SESTD1: variants seen among roughly 807,000 people sequenced by gnomAD.
SESTD1 encodes the protein SEC14 and spectrin domain containing 1, also known as SEC14 domain and spectrin repeat-containing protein 1.
SESTD1 carries 43 observed loss-of-function variants against 101.7 expected under a neutral mutation model. The ratio of observed to expected loss-of-function variants is 0.42; its 90% CI spans 0.33 to 0.55. SESTD1 has a LOEUF of 0.55. Ranked by LOEUF, SESTD1 falls within the 20% of genes least tolerant of loss-of-function variation. The pLI, the probability that SESTD1 is intolerant of heterozygous loss-of-function variation, is 0.07. For missense variants in SESTD1, 647 were observed against 815.1 expected, an observed-to-expected ratio of 0.79 and a Z score of 2.51; for synonymous variants, 283 against 286.8, an observed-to-expected ratio of 0.99 and a Z score of 0.13.
At chr2:179,117,422 TTC>T in intron 14 of SESTD1, 108 bp downstream of exon 14, 1 of 920,966 alleles carries the variant, frequency 1.1e-6, no homozygotes, top group South Asian at 1.7e-5. Context: ...AGAACCTGAC[TTC>T]AAGAATTTAC....
chr2:179,192,869 C>T (rs2046338103), intron 1 of SESTD1, among the ~76,000 whole-genome samples: 2 of 152,144 alleles, frequency 1.3e-5, no homozygotes, highest in Admixed American at 1.3e-4. Flanking sequence ...TCCCCTATCC[C>T]ATCTCACACC....
chr2:179,172,986 A>G lies in SESTD1; in HGVS notation c.256-753T>C, dbSNP rs1160143923. ...TTCTCTTGCACTCTGAATGAAATTCAAATCTCTTACCAAGACCTACAAGGC... is the reference window on the plus strand; with the variant it reads ...TTCTCTTGCACTCTGAATGAAATTCGAATCTCTTACCAAGACCTACAAGGC... On this transcript the variant is annotated intron_variant, in intron 4 of 17. Transcript: ENST00000428443. Among the ~76,000 whole-genome samples the G allele has an allele frequency of 2.0e-5, 3 of 152,302 alleles. No individual in the cohort carries two copies. In the South Asian group the frequency reaches 6.2e-4, roughly 32 times the overall value.
chr2:179,249,452 T>C (rs1246513878), intron 1 of SESTD1, among the ~76,000 whole-genome samples: 1 of 152,158 alleles, frequency 6.6e-6, no homozygotes, highest in Non-Finnish European at 1.5e-5. Flanking sequence ...GTTATAAATC[T>C]AACAAAACAT....
chr2:179,135,384 T>C (rs1385137654), intron 9 of SESTD1, among the ~76,000 whole-genome samples: 7 of 152,230 alleles, frequency 4.6e-5, no homozygotes, highest in Admixed American at 6.5e-5. Flanking sequence ...TATCTCTTCA[T>C]GTTCTTTGTT....
intron 1 of SESTD1, among the ~76,000 whole-genome samples, chr2:179,200,824 A>G (rs2046497982): frequency 7.4e-6 from 1 of 134,894 alleles, no homozygotes; most frequent in African/African-American, 2.9e-5. Context: ...AAACCCTAGA[A>G]GAAAACCTAG....
At chr2:179,150,377 T>C (rs1217277909) in intron 6 of SESTD1, among the ~76,000 whole-genome samples, 5 of 151,850 alleles carry the variant, frequency 3.3e-5, no homozygotes, top group Non-Finnish European at 7.4e-5. Context: ...TTACACAGAG[T>C]TGCAGATTTC....
chr2:179,263,091 T>C (rs1188299954), intron 1 of SESTD1, among the ~76,000 whole-genome samples: 1 of 152,216 alleles, frequency 6.6e-6, no homozygotes, highest in Admixed American at 6.5e-5. Context: ...TTTGAATAAA[T>C]ATTCAACAAA....
At chr2:179,186,258 G>A (rs2046231024) in intron 2 of SESTD1, among the ~76,000 whole-genome samples, 1 of 152,018 alleles carries the variant, frequency 6.6e-6, no homozygotes, top group African/African-American at 2.4e-5. Context: ...ACTAAATCAT[G>A]TAGAGATTTA....
chr2:179,179,507 C>T (rs2046071122), intron 3 of SESTD1, among the ~76,000 whole-genome samples: 1 of 152,192 alleles, frequency 6.6e-6, no homozygotes, highest in South Asian at 2.1e-4. Flanking sequence ...CAACTAAAGG[C>T]TCCTTCTCTT....
At chr2:179,236,160 T>TTAGGATA (rs1553531130) in intron 1 of SESTD1, among the ~76,000 whole-genome samples, 4 of 151,380 alleles carry the variant, frequency 2.6e-5, no homozygotes, top group African/African-American at 9.7e-5. Flanking sequence ...GTTGAATTAC[T>TTAGGATA]TAATATGAAC....
chr2:179,215,798 AAGTTGG>A lies in SESTD1; in HGVS notation c.-25-23938_-25-23933del, dbSNP rs532827747. 2.1e-4 allele frequency among the ~76,000 whole-genome samples: 28 copies of A among 135,454 alleles called. 4 individuals carry two copies. The South Asian group carries it at 7.0e-3, about 34-fold the overall frequency. The allele number at this position is 135,454 out of a possible 152,430, so 88.9% of individuals were successfully genotyped here. A position where few individuals can be genotyped will look rare whatever the true frequency, so the allele number is the denominator to read the frequency against. ...CATCAATAGCTAATCCACCACTATC[AAGTTGG>A]CTTCATCCCTGAGATGCAAGTCTGG... On this transcript the variant is annotated intron_variant, in intron 1 of 17. Coordinates refer to ENST00000428443, the MANE Select transcript of SESTD1 (RefSeq NM_178123.5).
At chr2:179,197,845 C>T (rs2105504713) in intron 1 of SESTD1, among the ~76,000 whole-genome samples, 1 of 152,258 alleles carries the variant, frequency 6.6e-6, no homozygotes, top group Admixed American at 6.5e-5. Context: ...GTACCAGCCA[C>T]TGCAAAATCA....
At chr2:179,134,801 C>T (rs774396357) in intron 9 of SESTD1, among the ~76,000 whole-genome samples, 6 of 152,156 alleles carry the variant, frequency 3.9e-5, no homozygotes, top group Non-Finnish European at 8.8e-5. Flanking sequence ...ATAACCTCTA[C>T]AAGGTATACA....
At chr2:179,115,664 C>G (rs2044613876) in intron 15 of SESTD1, among the ~76,000 whole-genome samples, 1 of 152,150 alleles carries the variant, frequency 6.6e-6, no homozygotes, top group African/African-American at 2.4e-5. Context: ...AGGAGGATCA[C>G]TTCAGCCCAG....
rs1201586392 is a variant in SESTD1, at chr2:179,206,754, T to C, written c.-25-14888A>G. Among the ~76,000 whole-genome samples, 3 of 133,056 alleles carry C rather than the reference T, an allele frequency of 2.3e-5. 1 individual carries two copies. Among genetic ancestry groups the C allele is most frequent in the Non-Finnish European group, 3.2e-5 (2 of 62,112 alleles). The allele number at this position is 133,056 out of a possible 152,430, so 87.3% of individuals were successfully genotyped here. A position where few individuals can be genotyped will look rare whatever the true frequency, so the allele number is the denominator to read the frequency against. ...CCATGCAGGTGGGCAGGCAGGGAGG[T>C]GAGAGACCTGAGAGCCCTGCTTGTT... On this transcript the variant is annotated intron_variant, in intron 1 of 17. Transcript: ENST00000428443.
At position 179,106,648 on chromosome 2, in the gene SESTD1, T is replaced by C. The variant is rs1417362306; in HGVS notation, c.*3251A>G. ...AAGACTAGCTAACACATGGGAGCAA[T>C]AGCCAATGTAAATTTGTATAAAGTG... On this transcript the variant is annotated 3_prime_UTR_variant, in exon 18 of 18. Transcript: ENST00000428443. The C allele has an allele frequency of 3.3e-5, 5 of 152,028 alleles. No individual in the cohort carries two copies. The highest frequency in any genetic ancestry group is 2.1e-4 in the South Asian group (1 of 4,818). 9.4% of individuals were successfully genotyped at this position (152,028 alleles called of 1,614,324 possible). A position where few individuals can be genotyped will look rare whatever the true frequency, so the allele number is the denominator to read the frequency against.
rs967777219 is a variant in SESTD1 at position 179,105,703 on chromosome 2, TCAA to T, written c.*4193_*4195del. Reference sequence around the variant, plus strand: ...CTGTTTATTTCTGGATATTTTGGCTTCAACAATTCTTTATATCATATTTTATTC... The same window carrying T: ...CTGTTTATTTCTGGATATTTTGGCTTCAATTCTTTATATCATATTTTATTC... On this transcript the variant is annotated 3_prime_UTR_variant, in exon 18 of 18. Transcript: ENST00000428443. The T allele has an allele frequency of 2.6e-5, 4 of 152,332 alleles. No homozygotes were observed. Among genetic ancestry groups the T allele is most frequent in the African/African-American group, 7.2e-5 (3 of 41,580 alleles). The allele number at this position is 152,332 out of a possible 1,614,324, so 9.4% of individuals were successfully genotyped here.
rs1231808828 is a variant in SESTD1, at chr2:179,204,492, A to G, written c.-25-12626T>C. 3.0e-5 allele frequency among the ~76,000 whole-genome samples: 4 copies of G among 134,868 alleles called. No homozygotes were observed. In the East Asian group the frequency reaches 7.9e-4, roughly 27 times the overall value. The allele number at this position is 134,868 out of a possible 152,430, so 88.5% of individuals were successfully genotyped here. A position where few individuals can be genotyped will look rare whatever the true frequency, so the allele number is the denominator to read the frequency against. On this transcript the variant is annotated intron_variant, in intron 1 of 17. Coordinates refer to ENST00000428443, the MANE Select transcript of SESTD1 (RefSeq NM_178123.5). ...TAATCAATGTTATTTCTGTGAACCA[A>G]TGAGAATTCCTGACAAACAACTTTT...
chr2:179,188,338 A>T (rs2046266814), intron 2 of SESTD1, among the ~76,000 whole-genome samples: 1 of 152,240 alleles, frequency 6.6e-6, no homozygotes, highest in Non-Finnish European at 1.5e-5. Context: ...AATGTTGTGT[A>T]AACAAAATTA....
Sources: allele counts gnomAD v4.1 joint callset (sites outside exome capture counted in the v4.1 genomes callset), GRCh38; gene constraint gnomAD v4.1.1; transcripts MANE v1.5; gene names NCBI Gene and HGNC (gene_info 2026-07-23, HGNC 2026-07-21).